Variants in RERG observed in about 807,000 individuals in gnomAD.
The protein encoded by RERG is ras-related and estrogen-regulated growth inhibitor.
A neutral mutation model predicts 23.2 loss-of-function variants in RERG; 25 were observed. That is an observed-to-expected ratio of 1.08 (90% CI 0.79 to 1.50). The LOEUF (loss-of-function observed/expected upper bound fraction) is 1.50. RERG is among the 40% of genes most tolerant of loss of function. The pLI is 0.00. For synonymous variants in RERG, 81 were observed against 89.1 expected (o/e 0.91, Z 0.51); for missense variants, 253 against 250.1 (o/e 1.01, Z -0.08).
intron 2 of RERG, among the ~76,000 whole-genome samples, chr12:15,144,400 A>G (rs1221351941): frequency 6.6e-6 from 1 of 152,182 alleles, no homozygotes; most frequent in Non-Finnish European, 1.5e-5. Flanking sequence ...AAGGCAGCAT[A>G]GCTATAGGAG....
chr12:15,152,434 A>G (rs1864458579), intron 2 of RERG, among the ~76,000 whole-genome samples: 1 of 152,322 alleles, frequency 6.6e-6, no homozygotes, highest in Non-Finnish European at 1.5e-5. Context: ...TCAAAAGCCT[A>G]GAGAGAAACA....
intron 2 of RERG, among the ~76,000 whole-genome samples, chr12:15,163,419 G>A (rs955312574): frequency 1.3e-5 from 2 of 152,200 alleles, no homozygotes; most frequent in Admixed American, 1.3e-4. Flanking sequence ...GATTCGACAT[G>A]AATGTGAAGA....
At chr12:15,213,005 T>A (rs903814172) in intron 2 of RERG, among the ~76,000 whole-genome samples, 1 of 152,242 alleles carries the variant, frequency 6.6e-6, no homozygotes, top group Non-Finnish European at 1.5e-5. Context: ...TTGTTTGTGT[T>A]TGGCATCCAG....
At chr12:15,140,049 CT>C (rs1864210532) in intron 2 of RERG, among the ~76,000 whole-genome samples, 1 of 152,128 alleles carries the variant, frequency 6.6e-6, no homozygotes, top group Non-Finnish European at 1.5e-5. Context: ...GTAGAATTCT[CT>C]AATGGAACTT....
At chr12:15,128,151 G>A (rs1477562151) in intron 2 of RERG, among the ~76,000 whole-genome samples, 1 of 152,108 alleles carries the variant, frequency 6.6e-6, no homozygotes, top group Non-Finnish European at 1.5e-5. Flanking sequence ...AGCATGCTTT[G>A]AGAAGGGAAT....
chr12:15,218,147 T>G (rs558846202), intron 1 of RERG: 9 of 152,426 alleles, frequency 5.9e-5, no homozygotes, highest in African/African-American at 2.2e-4. Flanking sequence ...GATACACATG[T>G]TCTAGGAATC....
intron 2 of RERG, among the ~76,000 whole-genome samples, chr12:15,215,634 TA>T (rs1865430236): frequency 1.3e-5 from 2 of 151,640 alleles, no homozygotes; most frequent in African/African-American, 4.8e-5. Flanking sequence ...ATGGGAGAGT[TA>T]AAAAAAGATA....
chr12:15,188,946 C>A (rs1865031230), intron 2 of RERG, among the ~76,000 whole-genome samples: 1 of 152,134 alleles, frequency 6.6e-6, no homozygotes, highest in South Asian at 2.1e-4. Flanking sequence ...TTCTTGATTT[C>A]TTGATCAGTC....
intron 2 of RERG, among the ~76,000 whole-genome samples, chr12:15,129,284 A>G (rs2136094264): frequency 6.6e-6 from 1 of 152,224 alleles, no homozygotes; most frequent in East Asian, 1.9e-4. Flanking sequence ...ATGTCAAAAA[A>G]AAAAAAACCC....
intron 3 of RERG, among the ~76,000 whole-genome samples, chr12:15,111,686 CTTT>C (rs11296760): frequency 1.5e-4 from 19 of 127,942 alleles, no homozygotes; most frequent in Admixed American, 2.4e-4. Context: ...CTATACTTTC[CTTT>C]TTTTTTTTTT....
chr12:15,150,230 G>A (rs1343013810), intron 2 of RERG, among the ~76,000 whole-genome samples: 1 of 152,172 alleles, frequency 6.6e-6, no homozygotes, highest in Non-Finnish European at 1.5e-5. Context: ...AGTGTAAACT[G>A]TGTAATATGC....
At chr12:15,157,194 G>A (rs751494661) in intron 2 of RERG, among the ~76,000 whole-genome samples, 30 of 152,194 alleles carry the variant, frequency 2.0e-4, no homozygotes, top group Non-Finnish European at 3.2e-4. Context: ...AAGAAGACAG[G>A]GGAAAACAGA....
chr12:15,184,545 C>T (rs941709441), intron 2 of RERG, among the ~76,000 whole-genome samples: 65 of 152,240 alleles, frequency 4.3e-4, no homozygotes, highest in African/African-American at 1.5e-3. Context: ...ACTACATGAT[C>T]AGGATGGGTC....
chr12:15,195,600 T>TGC lies in RERG; in HGVS notation c.61+21827_61+21828dup, dbSNP rs1491374905. Among the ~76,000 whole-genome samples the TGC allele has an allele frequency of 3.5e-4, 50 of 144,766 alleles. No individual in the cohort carries two copies. The South Asian group carries it at 0.01, about 30-fold the overall frequency. The allele number at this position is 144,766 out of a possible 152,430, so 95.0% of individuals were successfully genotyped here. On this transcript the variant is annotated intron_variant, in intron 2 of 4. Transcript: ENST00000256953. ...GTGTGTGTGTGTGTGTGTGTGTGTGTGCATGTGTGTGTTGTATTCTGTTGG... is the reference window on the plus strand; with the variant it reads ...GTGTGTGTGTGTGTGTGTGTGTGTGTGCGCATGTGTGTGTTGTATTCTGTTGG...
intron 2 of RERG, among the ~76,000 whole-genome samples, chr12:15,205,166 T>C (rs962207260): frequency 6.6e-6 from 1 of 151,974 alleles, no homozygotes; most frequent in African/African-American, 2.4e-5. Flanking sequence ...TGATTTTGAA[T>C]TGTAAGTTAT....
At chr12:15,112,789 A>G (rs1253329504) in intron 3 of RERG, among the ~76,000 whole-genome samples, 1 of 152,200 alleles carries the variant, frequency 6.6e-6, no homozygotes, top group Non-Finnish European at 1.5e-5. Flanking sequence ...GCCTCAAAGG[A>G]GAGAATAAAA....
chr12:15,167,028 T>C (rs1483246829), intron 2 of RERG, among the ~76,000 whole-genome samples: 1 of 152,164 alleles, frequency 6.6e-6, no homozygotes, highest in African/African-American at 2.4e-5. Flanking sequence ...AAATATAATG[T>C]CTTACAAGCA....
chr12:15,178,813 TG>T (rs555483389), intron 2 of RERG, among the ~76,000 whole-genome samples: 50 of 152,252 alleles, frequency 3.3e-4, no homozygotes, highest in African/African-American at 1.2e-3. Flanking sequence ...TGTGAAAAAA[TG>T]TTTTCCTGAA....
At chr12:15,144,973 T>A (rs1864306129) in intron 2 of RERG, among the ~76,000 whole-genome samples, 1 of 152,234 alleles carries the variant, frequency 6.6e-6, no homozygotes, top group South Asian at 2.1e-4. Flanking sequence ...TAAGTCTTTT[T>A]TAACAGAAAA....
Sources: allele counts gnomAD v4.1 joint callset (sites outside exome capture counted in the v4.1 genomes callset), GRCh38; gene constraint gnomAD v4.1.1; transcripts MANE v1.5; gene names NCBI Gene and HGNC (gene_info 2026-07-23, HGNC 2026-07-21).